The following DPP10 variants were observed in gnomAD, a reference collection of about 807,000 sequenced individuals.
DPP10 encodes inactive dipeptidyl peptidase 10.
Under a neutral mutation model 120.9 loss-of-function variants are expected in DPP10, and 33 were observed. The ratio of observed to expected loss-of-function variants is 0.27; its 90% confidence interval spans 0.21 to 0.37. The LOEUF is 0.37. Among genes scored for constraint, DPP10 ranks in the 10% least tolerant of loss-of-function variants. The pLI, the probability that DPP10 is intolerant of heterozygous loss-of-function variation, is 1.00. For missense variants in DPP10, 816 were observed against 942.8 expected (o/e 0.87, Z 1.76); for synonymous variants, 337 against 326.1 (o/e 1.03, Z -0.36).
At chr2:115,609,592 C>A (rs1264778143) in intron 5 of DPP10, among the ~76,000 whole-genome samples, 7 of 151,900 alleles carry the variant, frequency 4.6e-5, no homozygotes, top group Non-Finnish European at 7.4e-5. Flanking sequence ...TTCTCCCCCA[C>A]CAAAAACAAA....
intron 5 of DPP10, among the ~76,000 whole-genome samples, chr2:115,611,541 C>T (rs575168782): frequency 5.9e-5 from 9 of 152,240 alleles, no homozygotes; most frequent in African/African-American, 1.7e-4. Context: ...TTAAGTGAAA[C>T]TTTTTGGGAC....
chr2:114,690,327 G>A (rs1195687314), intron 1 of DPP10, among the ~76,000 whole-genome samples: 1 of 151,850 alleles, frequency 6.6e-6, no homozygotes, highest in Non-Finnish European at 1.5e-5. Flanking sequence ...CAGCACCATT[G>A]ATTAAATGGG....
chr2:114,485,577 T>C (rs1681442138), intron 1 of DPP10, among the ~76,000 whole-genome samples: 1 of 119,570 alleles, frequency 8.4e-6, no homozygotes, highest in African/African-American at 5.8e-5. Flanking sequence ...TGTGCACTAG[T>C]GTTGCACTAG....
chr2:114,561,632 A>G (rs1688773582), intron 1 of DPP10, among the ~76,000 whole-genome samples: 1 of 151,806 alleles, frequency 6.6e-6, no homozygotes, highest in South Asian at 2.1e-4. Context: ...TTTAGCATCT[A>G]GTCATCAGTT....
rs138115465 is a variant in DPP10, at chr2:115,701,494, A to G, written c.576+11573A>G. Reference sequence around the variant, plus strand: ...AACTATAAAACTTTTAGAAGAAAATATAAGTCAGAAGTTTGAAGATATTGG... The same window carrying G: ...AACTATAAAACTTTTAGAAGAAAATGTAAGTCAGAAGTTTGAAGATATTGG... On this transcript the variant is annotated intron_variant, in intron 7 of 25. Coordinates refer to ENST00000410059, the MANE Select transcript of DPP10 (RefSeq NM_020868.6). Among the ~76,000 whole-genome samples the G allele has an allele frequency of 6.6e-5, 10 of 152,254 alleles. No individual in the cohort carries two copies. In the East Asian group the frequency reaches 9.7e-4, roughly 15 times the overall value.
chr2:115,514,838 C>T, intron 4 of DPP10, among the ~76,000 whole-genome samples: 1 of 151,806 alleles, frequency 6.6e-6, no homozygotes, highest in East Asian at 1.9e-4. Context: ...AACTCAGTAC[C>T]CATTTTTGAA....
intron 3 of DPP10, among the ~76,000 whole-genome samples, chr2:115,383,912 A>C (rs1414309536): frequency 6.6e-6 from 1 of 152,214 alleles, no homozygotes; most frequent in African/African-American, 2.4e-5. Flanking sequence ...GTATCTTTTT[A>C]AAAACTTAAT....
intron 1 of DPP10, among the ~76,000 whole-genome samples, chr2:114,626,085 C>G (rs1694488632): frequency 6.6e-6 from 1 of 151,318 alleles, no homozygotes; most frequent in Non-Finnish European, 1.5e-5. Context: ...TTACCCTCAT[C>G]AATCCTTCAT....
intron 7 of DPP10, among the ~76,000 whole-genome samples, chr2:115,714,528 C>T (rs191683662): frequency 1.8e-4 from 28 of 152,288 alleles, no homozygotes; most frequent in African/African-American, 4.8e-4. Flanking sequence ...TATCTCTGTG[C>T]GTTTTCCCTA....
chr2:114,500,095 GC>G (rs995851319), intron 1 of DPP10, among the ~76,000 whole-genome samples: 1 of 152,108 alleles, frequency 6.6e-6, no homozygotes, highest in African/African-American at 2.4e-5. Flanking sequence ...TTCTATCGTG[GC>G]ACATTTTATG....
intron 1 of DPP10, among the ~76,000 whole-genome samples, chr2:114,809,030 ATT>A (rs1684969723): frequency 2.0e-5 from 1 of 51,018 alleles, no homozygotes. Flanking sequence ...CATTTTTATA[ATT>A]AATTAAGTAA....
At chr2:114,909,902 CA>C (rs1305978582) in intron 1 of DPP10, among the ~76,000 whole-genome samples, 2 of 151,754 alleles carry the variant, frequency 1.3e-5, no homozygotes, top group Non-Finnish European at 2.9e-5. Flanking sequence ...CCGCTATAAG[CA>C]AAAGTCAGCA....
chr2:115,209,193 A>G (rs1285867336), intron 1 of DPP10, among the ~76,000 whole-genome samples: 1 of 152,136 alleles, frequency 6.6e-6, no homozygotes, highest in Non-Finnish European at 1.5e-5. Context: ...AAAGTCAAAC[A>G]TTCTCAGTTT....
Position 114,507,800 on chromosome 2 carries a change from C to T in DPP10, c.60+64962C>T, listed in dbSNP as rs1056999411. 2.0e-5 allele frequency among the ~76,000 whole-genome samples: 3 copies of T among 152,158 alleles called. No homozygotes were observed. The South Asian group carries it at 6.2e-4, about 32-fold the overall frequency. ...TCTAAAGTGGGAATAATAACCCCTACTCTGCAGGGTTGCTATAAGAATTAA... is the reference window on the plus strand; with the variant it reads ...TCTAAAGTGGGAATAATAACCCCTATTCTGCAGGGTTGCTATAAGAATTAA... On this transcript the variant is annotated intron_variant, in intron 1 of 25. Coordinates refer to ENST00000410059, the MANE Select transcript of DPP10 (RefSeq NM_020868.6).
chr2:114,608,007 T>C (rs1692955389), intron 1 of DPP10, among the ~76,000 whole-genome samples: 1 of 152,136 alleles, frequency 6.6e-6, no homozygotes, highest in Non-Finnish European at 1.5e-5. Context: ...AGCCTCAAGG[T>C]TTTCATCCAC....
chr2:115,305,294 T>A (rs2061316095), intron 1 of DPP10, among the ~76,000 whole-genome samples: 1 of 152,100 alleles, frequency 6.6e-6, no homozygotes, highest in Non-Finnish European at 1.5e-5. Context: ...CATGTGCAAT[T>A]GATTGCTTTC....
intron 7 of DPP10, among the ~76,000 whole-genome samples, chr2:115,713,237 TAAAG>T (rs1433062100): frequency 6.6e-6 from 1 of 152,032 alleles, no homozygotes; most frequent in African/African-American, 2.4e-5. Context: ...AATTGAGTCA[TAAAG>T]GAAGACCTAG....
chr2:115,753,349 C>T (rs1678991070), intron 11 of DPP10, 52 bp downstream of exon 11: 1 of 1,498,238 alleles, frequency 6.7e-7, no homozygotes, highest in African/African-American at 1.4e-5. Flanking sequence ...GCTTATGCAG[C>T]TTTACAAAGG....
chr2:115,282,014 ATTACT>A (rs2060177691), intron 1 of DPP10, among the ~76,000 whole-genome samples: 1 of 152,220 alleles, frequency 6.6e-6, no homozygotes, highest in African/African-American at 2.4e-5. Flanking sequence ...GAGTATATTC[ATTACT>A]TTAAGGTAGG....
Sources: allele counts gnomAD v4.1 joint callset (sites outside exome capture counted in the v4.1 genomes callset), GRCh38; gene constraint gnomAD v4.1.1; transcripts MANE v1.5; gene names NCBI Gene and HGNC (gene_info 2026-07-23, HGNC 2026-07-21).